RBFOX2: variants seen among roughly 807,000 people sequenced by gnomAD.
The protein encoded by RBFOX2 is RNA binding fox-1 homolog 2, also known as RNA binding protein fox-1 homolog 2.
Under a neutral mutation model 49.1 loss-of-function variants are expected in RBFOX2, and 10 were observed. The observed-to-expected ratio is 0.20, with a 90% CI of 0.13 to 0.35. The LOEUF is 0.35. Among genes scored for constraint, RBFOX2 ranks in the 10% least tolerant of loss-of-function variants. RBFOX2 has a pLI of 1.00. For synonymous variants in RBFOX2, 183 were observed against 187.4 expected, an observed-to-expected ratio of 0.98 and a Z score of 0.19; for missense variants, 323 against 486.9, an observed-to-expected ratio of 0.66 and a Z score of 3.17.
chr22:35,817,482 A>C (rs1406469284), intron 1 of RBFOX2, among the ~76,000 whole-genome samples: 1 of 38,398 alleles, frequency 2.6e-5, no homozygotes, highest in Non-Finnish European at 5.0e-5. Context: ...GTCTCAAAAT[A>C]AATAAATAAA....
intron 1 of RBFOX2, among the ~76,000 whole-genome samples, chr22:35,836,702 T>A (rs776896806): frequency 9.9e-5 from 15 of 152,250 alleles, no homozygotes; most frequent in Non-Finnish European, 2.1e-4. Flanking sequence ...TATACCATAG[T>A]AGAGTACAAA....
At chr22:35,980,668 G>A (rs541176843) in intron 1 of RBFOX2, among the ~76,000 whole-genome samples, 2 of 152,142 alleles carry the variant, frequency 1.3e-5, no homozygotes, top group South Asian at 4.2e-4. Flanking sequence ...TCTTGGTATT[G>A]CCCTGAGTTT....
In RBFOX2 at chr22:35,810,106, A is replaced by G. The variant is rs1189519120; in HGVS notation, c.28-102T>C. On this transcript the variant is annotated intron_variant, in intron 1 of 11. Coordinates refer to ENST00000405409, the Ensembl canonical transcript of RBFOX2. ...AATTCTCTGAATATTCTCTCACTGC[A>G]TAGGTAAAATGGAATGCTTATTGCT... 6 of 1,136,092 alleles carry G rather than the reference A, an allele frequency of 5.3e-6. No homozygotes were observed. In the African/African-American group the frequency reaches 6.2e-5, roughly 12 times the overall value. The allele number at this position is 1,136,092 out of a possible 1,614,324, so 70.4% of individuals were successfully genotyped here. A position where few individuals can be genotyped will look rare whatever the true frequency, so the allele number is the denominator to read the frequency against.
In RBFOX2 at chr22:35,753,073, A is replaced by C. The variant is rs924955518; in HGVS notation, c.888-6512T>G. 1.7e-3 allele frequency among the ~76,000 whole-genome samples: 263 copies of C among 152,312 alleles called. 5 individuals carry two copies. The highest frequency in any genetic ancestry group is 1.6e-4 in the Non-Finnish European group (11 of 68,022). ...AAAACCTTGCACAATTAATAGCCTA[A>C]ATTCATTTAACTTAAGCATAACCAG... On this transcript the variant is annotated intron_variant, in intron 9 of 11. Transcript: ENST00000405409.
At chr22:35,911,129 G>C (rs991484046) in intron 1 of RBFOX2, among the ~76,000 whole-genome samples, 1 of 152,024 alleles carries the variant, frequency 6.6e-6, no homozygotes, top group Admixed American at 6.6e-5. Flanking sequence ...ATGACCTCCC[G>C]GGACTTCTCT....
intron 3 of RBFOX2, among the ~76,000 whole-genome samples, chr22:35,778,931 A>G (rs1944534994): frequency 6.6e-6 from 1 of 152,204 alleles, no homozygotes; most frequent in Non-Finnish European, 1.5e-5. Context: ...TAACTTAGCA[A>G]TAGATTGTGA....
intron 1 of RBFOX2, among the ~76,000 whole-genome samples, chr22:36,022,095 T>C (rs938750555): frequency 2.6e-5 from 4 of 152,274 alleles, no homozygotes; most frequent in Admixed American, 2.6e-4. Flanking sequence ...ATGTTTACTA[T>C]GCTTTACAAA....
chr22:35,899,376 T>C (rs2048291302), intron 1 of RBFOX2, among the ~76,000 whole-genome samples: 1 of 151,962 alleles, frequency 6.6e-6, no homozygotes, highest in Non-Finnish European at 1.5e-5. Context: ...TGTAAATTCC[T>C]ATTATAAATG....
intron 1 of RBFOX2, among the ~76,000 whole-genome samples, chr22:35,945,982 A>C (rs2054234833): frequency 6.6e-6 from 1 of 152,128 alleles, no homozygotes; most frequent in South Asian, 2.1e-4. Context: ...TACTCCCTCC[A>C]CATTTACCGC....
chr22:35,785,190 T>C (rs1459346747), intron 2 of RBFOX2, among the ~76,000 whole-genome samples: 1 of 152,126 alleles, frequency 6.6e-6, no homozygotes, highest in Non-Finnish European at 1.5e-5. Flanking sequence ...CATGAATCTC[T>C]TTTGCAACAT....
chr22:36,026,814 G>C (rs777635763), intron 1 of RBFOX2, among the ~76,000 whole-genome samples: 8 of 152,154 alleles, frequency 5.3e-5, no homozygotes, highest in Non-Finnish European at 1.2e-4. Context: ...AGAAGTAACA[G>C]GGTAAACTCT....
chr22:35,889,313 TTC>T (rs1261836896), intron 1 of RBFOX2, among the ~76,000 whole-genome samples: 1 of 152,180 alleles, frequency 6.6e-6, no homozygotes, highest in East Asian at 1.9e-4. Context: ...CTGTCTTTCC[TTC>T]TGTTTCCAGA....
intron 9 of RBFOX2, chr22:35,752,583 T>C (rs1054961362): frequency 1.0e-6 from 1 of 963,382 alleles, no homozygotes; most frequent in African/African-American, 1.8e-5. Context: ...CACAATCTGA[T>C]TGATTGGCAG....
intron 6 of RBFOX2, among the ~76,000 whole-genome samples, 161 bp downstream of exon 7, chr22:35,765,262 A>G (rs539342963): frequency 6.6e-6 from 1 of 152,046 alleles, no homozygotes; most frequent in Admixed American, 6.6e-5. Flanking sequence ...TTGTAATGAC[A>G]AAGTTATTCT....
At chr22:35,760,829 C>T (rs1275489380) in intron 8 of RBFOX2, among the ~76,000 whole-genome samples, 1 of 152,140 alleles carries the variant, frequency 6.6e-6, no homozygotes, top group Admixed American at 6.5e-5. Context: ...TGGGAATAAT[C>T]AATAATACTG....
At chr22:35,976,338 C>CA (rs1275820985) in intron 1 of RBFOX2, among the ~76,000 whole-genome samples, 81 of 144,560 alleles carry the variant, frequency 5.6e-4, no homozygotes, top group African/African-American at 2.3e-3. Flanking sequence ...CCACCACCAC[C>CA]CCCCCCTCTT....
chr22:35,962,184 G>A (rs190227198), upstream of RBFOX2, among the ~76,000 whole-genome samples: 1 of 152,326 alleles, frequency 6.6e-6, no homozygotes, highest in African/African-American at 2.4e-5. Flanking sequence ...CCTCTTAGAA[G>A]ATGGAATTCT....
At position 35,908,392 on chromosome 22, in the gene RBFOX2, T is replaced by C. The variant is rs1311748028; in HGVS notation, c.-34+30455A>G. The stretch of plus-strand genomic sequence containing the variant: ...AAACATCATAGCTTAGCCTAGCCTA[T>C]CTTAAACATGCTCAGAACACTTACA... On this transcript the variant is annotated intron_variant, in intron 1 of 13. Transcript: ENST00000359369. Among the ~76,000 whole-genome samples the C allele has an allele frequency of 2.6e-5, 4 of 152,364 alleles. No individual in the cohort carries two copies. In the East Asian group the frequency reaches 7.7e-4, roughly 29 times the overall value.
At chr22:35,994,148 T>C (rs1482619478) in intron 1 of RBFOX2, 1 of 151,838 alleles carries the variant, frequency 6.6e-6, no homozygotes, top group African/African-American at 2.4e-5. Context: ...CATTATGTAA[T>C]TTAAAATTTT....
Sources: gnomAD v4.1 joint callset for allele counts (sites outside exome capture counted in the v4.1 genomes callset) on GRCh38, gnomAD v4.1.1 for gene constraint, MANE v1.5 for transcripts, NCBI Gene and HGNC (gene_info 2026-07-23, HGNC 2026-07-21) for gene names.